ABCC10: variants seen among roughly 807,000 people sequenced by gnomAD.
ABCC10 encodes ATP binding cassette subfamily C member 10, also known as ATP-binding cassette sub-family C member 10.
ABCC10 carries 110 observed loss-of-function variants against 143.2 expected under a neutral mutation model. The observed-to-expected ratio is 0.77, with a 90% CI of 0.66 to 0.90. The LOEUF is 0.90. Ranked by LOEUF, ABCC10 falls within the 40% of genes least tolerant of loss-of-function variation. The pLI, the probability that ABCC10 is intolerant of heterozygous loss-of-function variation, is 0.00. For synonymous variants in ABCC10, 805 were observed against 846.7 expected (o/e 0.95, Z 0.85); for missense variants, 1,700 against 1,900.5 (o/e 0.89, Z 1.96).
At position 43,450,003 on chromosome 6, in the gene ABCC10, C is replaced by T. The variant is rs1783605639; in HGVS notation, c.4391C>T (p.Ala1464Val). The change falls in exon 22 of 22, where the codon GCC becomes GTC. Residue 1464 changes from alanine (A) to valine (V), a missense_variant. By Grantham distance (64) the Ala-to-Val change is moderately conservative. Coordinates refer to ENST00000372530, the MANE Select transcript of ABCC10 (RefSeq NM_001198934.2). This position sits in a 1 kb window ranked among gnomAD's most constrained non-coding sequence, Gnocchi z 4.5. ...AGAGTGGTAGAGCTGGACTCCCCGGCCACCCTGCGCAACCAGCCCCACTCC... is the reference window on the plus strand; with the variant it reads ...AGAGTGGTAGAGCTGGACTCCCCGGTCACCCTGCGCAACCAGCCCCACTCC... ...AGRVVELDSPATLRNQPHSLF... is the reference protein window; with the variant it reads ...AGRVVELDSPVTLRNQPHSLF... 1.1e-5 allele frequency: 17 copies of T among 1,613,578 alleles called. No homozygotes were observed. Among genetic ancestry groups the T allele is most frequent in the Middle Eastern group, 1.7e-4 (1 of 5,824 alleles).
chr6:43,431,838 C>A, intron 2 of ABCC10: 1 of 1,240,538 alleles, frequency 8.1e-7, no homozygotes, highest in Non-Finnish European at 1.0e-6. Context: ...ACAATCTTAC[C>A]TCAAAATTGT....
In ABCC10 at chr6:43,446,375, TG is replaced by T; in HGVS notation, c.3478del (p.Ala1160ArgfsTer35). On this transcript the variant is annotated frameshift_variant, in exon 16 of 22. Coordinates refer to ENST00000372530, the MANE Select transcript of ABCC10 (RefSeq NM_001198934.2). LOFTEE classifies it high-confidence loss of function. ...TGGCTGGACATTCGGCTACAGCTCA[TG>T]GGGGCGGCAGTGGTCAGCGCTATCG... is the stretch of plus-strand genomic sequence containing the variant. The part of the protein sequence containing the change: ...MQWLDIRLQL[M>X]GAAVVSAIAG... 6.2e-7 allele frequency: 1 copy of T among 1,613,550 alleles called. No homozygotes were observed. Among genetic ancestry groups the T allele is most frequent in the Non-Finnish European group, 8.5e-7 (1 of 1,179,930 alleles).
At chr6:43,429,241 GC>G (rs1562163157) in intron 2 of ABCC10, among the ~76,000 whole-genome samples, 3 of 34,332 alleles carry the variant, frequency 8.7e-5, no homozygotes, top group African/African-American at 3.0e-4. Context: ...GGGTGATGAG[GC>G]TGGTTGATGG....
chr6:43,428,282 G>C, intron 2 of ABCC10, 143 bp downstream of exon 2: 1 of 1,008,004 alleles, frequency 9.9e-7, no homozygotes, highest in South Asian at 1.7e-5. Context: ...TTGCTACTTA[G>C]CAGCAATGTG....
At chr6:43,434,916 C>A (rs1374529964) in intron 4 of ABCC10, 68 bp downstream of exon 4, 2 of 1,513,372 alleles carry the variant, frequency 1.3e-6, no homozygotes, top group Non-Finnish European at 1.8e-6. Context: ...GAGGCTTGGG[C>A]CCTCAGTGCT....
rs758669906 is a variant in ABCC10 at position 43,435,809 on chromosome 6, G to T, written c.1667G>T (p.Trp556Leu). The T allele has an allele frequency of 1.2e-6, 2 of 1,614,176 alleles. No individual in the cohort carries two copies. Among genetic ancestry groups the T allele is most frequent in the Non-Finnish European group, 1.7e-6 (2 of 1,180,040 alleles). The change falls in exon 5 of 22, where the codon TGG becomes TTG. Residue 556 changes from tryptophan (W) to leucine (L), a missense_variant. Physicochemically the swap from Trp to Leu is moderately conservative, Grantham distance 61. Coordinates refer to ENST00000372530, the MANE Select transcript of ABCC10 (RefSeq NM_001198934.2). ...MLILPLNNFP[W>L]VINGLLEAKV... ...ATTCTTCCTCTCAACAACTTCCCTT[G>T]GGTGATCAATGGTCTCCTGGAGGCC... is the stretch of plus-strand genomic sequence containing the variant.
rs188927817 is a variant in ABCC10, at chr6:43,443,349, G to A, written c.2416+190G>A. 257 of 594,902 alleles carry A rather than the reference G, an allele frequency of 4.3e-4. 2 individuals carry two copies. Among genetic ancestry groups the A allele is most frequent in the African/African-American group, 4.2e-3 (224 of 53,374 alleles). 36.9% of individuals were successfully genotyped at this position (594,902 alleles called of 1,614,324 possible). ...AGGAGTACGTTGGTAAAATGCCAGT[G>A]TATTTGGGACTCATGGGCTTTGTGA... On this transcript the variant is annotated intron_variant, in intron 10 of 21. Coordinates refer to ENST00000372530, the MANE Select transcript of ABCC10 (RefSeq NM_001198934.2). This position sits in a 1 kb window ranked among gnomAD's most constrained non-coding sequence, Gnocchi z 4.2.
intron 21 of ABCC10, 100 bp from the exon 22 acceptor site, chr6:43,449,829 G>C (rs1393246391): frequency 5.1e-6 from 7 of 1,382,512 alleles, no homozygotes; most frequent in Non-Finnish European, 7.0e-6. Flanking sequence ...TGTGGGGACA[G>C]ACCTGTGGTG....
intron 4 of ABCC10, 39 bp from the exon 5 acceptor site, chr6:43,435,712 A>G: frequency 6.2e-7 from 1 of 1,603,910 alleles, no homozygotes; most frequent in Non-Finnish European, 8.5e-7. Context: ...AGGCCCTTAG[A>G]TAACTCCTGG....
downstream of ABCC10, chr6:43,450,567 G>T: frequency 6.4e-7 from 1 of 1,573,062 alleles, no homozygotes; most frequent in Non-Finnish European, 8.6e-7. This position sits in a 1 kb window ranked among gnomAD's most constrained non-coding sequence, Gnocchi z 4.5. Context: ...TCCAGGCTCA[G>T]GGGGCAAGTC....
In ABCC10 at chr6:43,436,230, C is replaced by T; in HGVS notation, c.1858C>T (p.His620Tyr). 1 of 1,613,978 alleles carries T rather than the reference C, an allele frequency of 6.2e-7. No homozygotes were observed. Among genetic ancestry groups the T allele is most frequent in the Non-Finnish European group, 8.5e-7 (1 of 1,180,014 alleles). ...AACCAGCCTGGAGACCTTCATCAGT[C>T]ATCTCGAAGTGAAAAAGGTTTGTTG... ...VGTSLETFIS[H>Y]LEVKKGMLVG... Residue 620 changes from histidine to tyrosine, a missense_variant, in exon 6 of 22, where the codon CAT (histidine) becomes TAT (tyrosine). Transcript: ENST00000372530.
chr6:43,444,225 C>T lies in ABCC10; in HGVS notation c.2561C>T (p.Ser854Phe), dbSNP rs757623776. 1 of 1,614,158 alleles carries T rather than the reference C, an allele frequency of 6.2e-7. No homozygotes were observed. Among genetic ancestry groups the T allele is most frequent in the Admixed American group, 1.7e-5 (1 of 60,020 alleles). The change falls in exon 12 of 22, where the codon TCT becomes TTT. Residue 854 changes from serine to phenylalanine, a missense_variant. Physicochemically the swap from Ser to Phe is radical, Grantham distance 155. Transcript: ENST00000372530. ...GGGCTGGAGGAGGAGCAGAGCACAT[C>T]TGGTCGCCTGCTGCAGGAAGAAAGC... ...KEGLEEEQST[S>F]GRLLQEESKK... is the part of the protein sequence containing the mutation.
In ABCC10 at chr6:43,443,090, C is replaced by T; in HGVS notation, c.2347C>T (p.His783Tyr). 6.2e-7 allele frequency: 1 copy of T among 1,612,262 alleles called. No individual in the cohort carries two copies. Among genetic ancestry groups the T allele is most frequent in the Non-Finnish European group, 8.5e-7 (1 of 1,179,966 alleles). The change falls in exon 10 of 22, where the codon CAC becomes TAC. Residue 783 changes from histidine (H) to tyrosine (Y), a missense_variant. Coordinates refer to ENST00000372530, the MANE Select transcript of ABCC10 (RefSeq NM_001198934.2). The surrounding 1 kb of genome is among the most constrained non-coding windows in gnomAD (Gnocchi z 4.2). ...LSYTTRLLCT[H>Y]RTEYLERADA... ...CTACACCACACGGCTGCTCTGCACC[C>T]ACCGCACTGAGTACCTGGAGAGGGC...
intron 3 of ABCC10, among the ~76,000 whole-genome samples, chr6:43,433,762 C>T (rs1419119834): frequency 6.6e-6 from 1 of 152,222 alleles, no homozygotes; most frequent in Non-Finnish European, 1.5e-5. Flanking sequence ...AGTCTCCAAC[C>T]TCCTTATCTA....
chr6:43,450,917 G>A (rs1011413810), downstream of ABCC10: 1 of 1,614,222 alleles, frequency 6.2e-7, no homozygotes, highest in African/African-American at 1.3e-5. This position sits in a 1 kb window ranked among gnomAD's most constrained non-coding sequence, Gnocchi z 4.5. Context: ...TGTCCACTGT[G>A]GTTGGGGGGT....
rs756409658 is a variant in ABCC10, at chr6:43,444,313, C to A, written c.2649C>A (p.Gly883=). The stretch of plus-strand genomic sequence containing the variant: ...CTTACTGGAAGGCCGTGGGCCAGGG[C>A]TTGGCCTTAGCCATCCTCTTCTCTC... ...YQAYWKAVGQ[G]LALAILFSLL... is the part of the protein sequence containing the mutation. Residue 883 remains glycine (G), a synonymous_variant, in exon 12 of 22, where the codon GGC becomes GGA. Transcript: ENST00000372530. 1 of 1,612,756 alleles carries A rather than the reference C, an allele frequency of 6.2e-7. No homozygotes were observed. Among genetic ancestry groups the A allele is most frequent in the East Asian group, 2.2e-5 (1 of 44,904 alleles).
chr6:43,437,409 G>T (rs1257243895), intron 6 of ABCC10, among the ~76,000 whole-genome samples: 3 of 137,058 alleles, frequency 2.2e-5, no homozygotes, highest in African/African-American at 9.0e-5. Context: ...TTTGAGCAGG[G>T]AGATAGCTCC....
chr6:43,427,831 C>T (rs758018580), intron 1 of ABCC10, 74 bp downstream of exon 1: 25 of 920,794 alleles, frequency 2.7e-5, no homozygotes, highest in Non-Finnish European at 4.2e-5. Context: ...CGAGAATGGG[C>T]GGGGTCTGGC....
At position 43,441,886 on chromosome 6, in the gene ABCC10, G is replaced by A; in HGVS notation, c.2152G>A (p.Glu718Lys). ...GATCCTGCCTGCTGGAGACCAGACAGAGGTGGGGGAGAAGGGTGTCACCCT... is the reference window on the plus strand; with the variant it reads ...GATCCTGCCTGCTGGAGACCAGACAAAGGTGGGGGAGAAGGGTGTCACCCT... Reference protein sequence around the residue: ...LSILPAGDQTEVGEKGVTLSG... With the variant: ...LSILPAGDQTKVGEKGVTLSG... Residue 718 changes from glutamate (E) to lysine (K), a missense_variant, in exon 9 of 22, where the codon GAG (glutamate) becomes AAG (lysine). By Grantham distance (56) the Glu-to-Lys change is moderately conservative (BLOSUM62 1). Coordinates refer to ENST00000372530, the MANE Select transcript of ABCC10 (RefSeq NM_001198934.2). The A allele has an allele frequency of 1.2e-6, 2 of 1,613,832 alleles. No individual in the cohort carries two copies. Among genetic ancestry groups the A allele is most frequent in the South Asian group, 1.1e-5 (1 of 91,062 alleles).
Sources: allele counts gnomAD v4.1 joint callset (sites outside exome capture counted in the v4.1 genomes callset), GRCh38; gene constraint gnomAD v4.1.1; non-coding constraint Gnocchi (gnomAD v3.1); transcripts MANE v1.5; gene names NCBI Gene and HGNC (gene_info 2026-07-23, HGNC 2026-07-21).